AKAP3: variants seen among roughly 807,000 people sequenced by gnomAD.
AKAP3 encodes the protein A-kinase anchor protein 3.
AKAP3 carries 27 observed loss-of-function variants against 57.2 expected under a neutral mutation model. The ratio of observed to expected loss-of-function variants is 0.47; its 90% CI spans 0.35 to 0.65. The LOEUF is 0.65. AKAP3 is among the 30% of genes least tolerant of loss of function. AKAP3 has a pLI of 0.01. For synonymous variants in AKAP3, 334 were observed against 392.3 expected (o/e 0.85, Z 1.76); for missense variants, 959 against 1,040.0 (o/e 0.92, Z 1.07).
intron 5 of AKAP3, among the ~76,000 whole-genome samples, chr12:4,619,648 A>G (rs1565547990): frequency 6.6e-6 from 1 of 152,238 alleles, no homozygotes; most frequent in Non-Finnish European, 1.5e-5. Flanking sequence ...ATGCTGCATT[A>G]CATTAATGCT....
Position 4,648,964 on chromosome 12 carries a change from C to T in AKAP3, c.-464G>A, listed in dbSNP as rs1261917201. 2 of 721,738 alleles carry T rather than the reference C, an allele frequency of 2.8e-6. No individual in the cohort carries two copies. Among genetic ancestry groups the T allele is most frequent in the Non-Finnish European group, 4.6e-6 (2 of 437,390 alleles). The allele number at this position is 721,738 out of a possible 1,614,324, so 44.7% of individuals were successfully genotyped here. A position where few individuals can be genotyped will look rare whatever the true frequency, so the allele number is the denominator to read the frequency against. On this transcript the variant is annotated 5_prime_UTR_variant, in exon 1 of 6. Transcript: ENST00000228850. Reference sequence around the variant, plus strand: ...CCAAAGTCTTTTCACTTCCTTTCTTCCCCCTCTCCTTCACTTTCCCAGCTT... The same window carrying T: ...CCAAAGTCTTTTCACTTCCTTTCTTTCCCCTCTCCTTCACTTTCCCAGCTT...
intron 5 of AKAP3, among the ~76,000 whole-genome samples, chr12:4,619,862 A>T (rs1945325864): frequency 1.3e-5 from 2 of 152,236 alleles, no homozygotes; most frequent in South Asian, 4.1e-4. Context: ...TACATGCTAC[A>T]ACACAGATGA....
At chr12:4,618,430 T>C (rs902222141) in intron 5 of AKAP3, among the ~76,000 whole-genome samples, 27 of 152,334 alleles carry the variant, frequency 1.8e-4, no homozygotes, top group African/African-American at 5.1e-4. Context: ...ATGCAAGATA[T>C]TGAATTTGGA....
chr12:4,629,606 G>A (rs1463013085), intron 4 of AKAP3, among the ~76,000 whole-genome samples: 5 of 152,186 alleles, frequency 3.3e-5, no homozygotes, highest in Non-Finnish European at 7.4e-5. Flanking sequence ...TAACAAACCT[G>A]CACATGTACC....
chr12:4,639,842 A>T (rs1945615148), intron 3 of AKAP3, among the ~76,000 whole-genome samples: 1 of 125,650 alleles, frequency 8.0e-6, no homozygotes, highest in Non-Finnish European at 1.6e-5. Context: ...TTTGAGACAG[A>T]GTCTCGCTCT....
Position 4,627,565 on chromosome 12 carries a change from G to A in AKAP3, c.1337C>T (p.Ala446Val), listed in dbSNP as rs140732371. 128 of 1,613,948 alleles carry A rather than the reference G, an allele frequency of 7.9e-5. No individual in the cohort carries two copies. Among genetic ancestry groups the A allele is most frequent in the Non-Finnish European group, 1.0e-4 (119 of 1,180,012 alleles). ...SEPKSEEETCAKTLGEHIIKE... is the reference protein window; with the variant it reads ...SEPKSEEETCVKTLGEHIIKE... ...GATAATGTGCTCACCCAGAGTTTTC[G>A]CACAAGTCTCCTCCTCTGATTTGGG... Residue 446 changes from alanine to valine, a missense_variant, in exon 5 of 6, where the codon GCG becomes GTG. Physicochemically the swap from Ala to Val is moderately conservative, Grantham distance 64 (BLOSUM62 0). Coordinates refer to ENST00000228850, the MANE Select transcript of AKAP3 (RefSeq NM_001278309.2).
At position 4,620,271 on chromosome 12, in the gene AKAP3, CAT is replaced by C. The variant is rs1037197425; in HGVS notation, c.2407-4379_2407-4378del. Among the ~76,000 whole-genome samples the C allele has an allele frequency of 3.8e-4, 58 of 152,056 alleles. 1 individual carries two copies. The highest frequency in any genetic ancestry group is 1.2e-3 in the African/African-American group (51 of 41,494). On this transcript the variant is annotated intron_variant, in intron 5 of 5. Transcript: ENST00000228850. ...CTTTGGGAGGCCGAGGCAGGTGAAT[CAT>C]GAGGTCAGGAGTTCAAGACCAGCCT...
chr12:4,627,917 C>T lies in AKAP3; in HGVS notation c.985G>A (p.Val329Met), dbSNP rs769843586. The T allele has an allele frequency of 3.1e-6, 5 of 1,613,966 alleles. No individual in the cohort carries two copies. The highest frequency in any genetic ancestry group is 2.5e-6 in the Non-Finnish European group (3 of 1,180,024). The change falls in exon 5 of 6, where the codon GTG becomes ATG. Residue 329 changes from valine to methionine, a missense_variant. Val to Met is a conservative substitution (Grantham distance 21). Coordinates refer to ENST00000228850, the MANE Select transcript of AKAP3 (RefSeq NM_001278309.2). Reference sequence around the variant, plus strand: ...AAGGAGTCGATGAGATCCGAGACCACCTCTTTTGCATGCTTGAGCAGAACC... The same window carrying T: ...AAGGAGTCGATGAGATCCGAGACCATCTCTTTTGCATGCTTGAGCAGAACC... ...KKVLLKHAKE[V>M]VSDLIDSFLR...
intron 5 of AKAP3, among the ~76,000 whole-genome samples, chr12:4,621,578 G>A (rs35131771): frequency 0.38 from 57,610 of 152,124 alleles, 13,677 homozygotes; most frequent in Middle Eastern, 0.53. Context: ...ACAGTAACAT[G>A]CTGTATATAA....
intron 1 of AKAP3, among the ~76,000 whole-genome samples, chr12:4,646,151 T>C (rs1039208407): frequency 2.6e-5 from 4 of 152,168 alleles, no homozygotes; most frequent in African/African-American, 9.6e-5. Flanking sequence ...TGAGAAACTG[T>C]AGTGGGAAAA....
chr12:4,636,354 T>G (rs1565557461), intron 4 of AKAP3, among the ~76,000 whole-genome samples: 1 of 152,224 alleles, frequency 6.6e-6, no homozygotes, highest in Non-Finnish European at 1.5e-5. Context: ...GCATCTGCTC[T>G]TTGGGCTGCT....
At chr12:4,648,375 C>T (rs1353142487) in intron 1 of AKAP3, 3 of 152,230 alleles carry the variant, frequency 2.0e-5, no homozygotes, top group African/African-American at 7.2e-5. Context: ...TGGTTAAGAA[C>T]TCCTAGATTC....
At chr12:4,635,722 G>T in intron 4 of AKAP3, 1 of 719,422 alleles carries the variant, frequency 1.4e-6, no homozygotes, top group Non-Finnish European at 2.6e-6. Flanking sequence ...CTCCTCTGTA[G>T]TACATTGGTG....
chr12:4,628,032 G>A lies in AKAP3; in HGVS notation c.870C>T (p.Asn290=), dbSNP rs1483554096. Residue 290 remains asparagine (N), a synonymous_variant, in exon 5 of 6, where the codon AAC becomes AAT. Coordinates refer to ENST00000228850, the MANE Select transcript of AKAP3 (RefSeq NM_001278309.2). The stretch of plus-strand genomic sequence containing the variant: ...AGACCATCATATCAGATACCACACT[G>A]TTAGCATAGGTCATGATCCCTTCAC... ...SVSEGIMTYA[N]SVVSDMMVSI... is the part of the protein sequence containing the mutation. 9.3e-6 allele frequency: 15 copies of A among 1,614,094 alleles called. No homozygotes were observed. Among genetic ancestry groups the A allele is most frequent in the Non-Finnish European group, 1.3e-5 (15 of 1,180,022 alleles).
chr12:4,621,542 T>C (rs972799185), intron 5 of AKAP3, among the ~76,000 whole-genome samples: 15 of 152,208 alleles, frequency 9.9e-5, no homozygotes, highest in Non-Finnish European at 1.8e-4. Context: ...CATACTGTGG[T>C]GTTATAATTG....
Position 4,627,645 on chromosome 12 carries a change from A to C in AKAP3, c.1257T>G (p.Asn419Lys). 3 of 1,614,036 alleles carry C rather than the reference A, an allele frequency of 1.9e-6. No individual in the cohort carries two copies. Among genetic ancestry groups the C allele is most frequent in the Non-Finnish European group, 2.5e-6 (3 of 1,180,010 alleles). The change falls in exon 5 of 6, where the codon AAT becomes AAG. Residue 419 changes from asparagine to lysine, a missense_variant. By Grantham distance (94) the Asn-to-Lys change is moderately conservative (BLOSUM62 0). Transcript: ENST00000228850. ...MKGMGDPKNR[N>K]VNFAMKSETK... ...TTTCAGATTTCATGGCAAAGTTCAC[A>C]TTTCGGTTTTTAGGATCACCCATTC...
chr12:4,623,663 T>G (rs1422419329), intron 5 of AKAP3, among the ~76,000 whole-genome samples: 1 of 53,888 alleles, frequency 1.9e-5, no homozygotes, highest in African/African-American at 4.5e-5. Context: ...GCTTAGTACC[T>G]GGGTGACAAA....
intron 3 of AKAP3, among the ~76,000 whole-genome samples, chr12:4,639,119 C>T (rs1006582896): frequency 1.3e-5 from 2 of 152,150 alleles, no homozygotes; most frequent in African/African-American, 4.8e-5. Context: ...ATATGTACTC[C>T]TTTGGGCTTT....
At chr12:4,646,591 G>A (rs999683678) in intron 1 of AKAP3, among the ~76,000 whole-genome samples, 4 of 151,840 alleles carry the variant, frequency 2.6e-5, no homozygotes, top group South Asian at 2.1e-4. Context: ...AGAATTGCTT[G>A]AACCTGGGAG....
Sources: allele counts gnomAD v4.1 joint callset (sites outside exome capture counted in the v4.1 genomes callset), GRCh38; gene constraint gnomAD v4.1.1; transcripts MANE v1.5; gene names NCBI Gene and HGNC (gene_info 2026-07-23, HGNC 2026-07-21).